Variants in ADGRG1 observed in about 807,000 individuals in gnomAD.
The protein encoded by ADGRG1 is adhesion G protein-coupled receptor G1.
A neutral mutation model predicts 73.5 loss-of-function variants in ADGRG1; 53 were observed. The ratio of observed to expected loss-of-function variants is 0.72; its 90% CI spans 0.58 to 0.91. The LOEUF (loss-of-function observed/expected upper bound fraction) is 0.91. ADGRG1 is among the 40% of genes least tolerant of loss of function. The pLI is 0.00. For synonymous variants in ADGRG1, 394 were observed against 374.4 expected (o/e 1.05, Z -0.60); for missense variants, 795 against 871.8 (o/e 0.91, Z 1.11).
intron 1 of ADGRG1, 87 bp from the exon 2 acceptor site, chr16:57,650,166 C>G: frequency 6.4e-7 from 1 of 1,567,056 alleles, no homozygotes; most frequent in Non-Finnish European, 8.7e-7. Context: ...CCTCCCACAT[C>G]CATGCCACAC....
intron 3 of ADGRG1, chr16:57,652,909 C>T: frequency 2.4e-6 from 3 of 1,271,978 alleles, no homozygotes; most frequent in Non-Finnish European, 3.0e-6. Context: ...TGGGCCCTCT[C>T]TGCTCCGTGT....
intron 1 of ADGRG1, among the ~76,000 whole-genome samples, chr16:57,649,074 C>T (rs1449172268): frequency 6.6e-6 from 1 of 152,176 alleles, no homozygotes; most frequent in African/African-American, 2.4e-5. Context: ...TAATAGAGAG[C>T]TTAGGGGGTC....
chr16:57,636,225 A>T, intron 1 of ADGRG1: 1 of 985,160 alleles, frequency 1.0e-6, no homozygotes, highest in Non-Finnish European at 1.2e-6. Flanking sequence ...TGGGGGTGGT[A>T]ATTTTGCTTT....
chr16:57,636,064 TCTC>T (rs2039287437), intron 1 of ADGRG1: 2 of 985,272 alleles, frequency 2.0e-6, no homozygotes, highest in African/African-American at 1.7e-5. Flanking sequence ...ACGTGCCCTT[TCTC>T]CTCCTTGCTT....
At position 57,651,194 on chromosome 16, in the gene ADGRG1, C is replaced by T; in HGVS notation, c.65-6C>T. On this transcript the variant is annotated splice_polypyrimidine_tract_variant and splice_region_variant and intron_variant, in intron 2 of 13. Transcript: ENST00000562631. ...GGGGTCCCATCTGCAGCCTCTGCCT[C>T]CTCAGGTGCCCACGGCAGGGGCCAC... The T allele has an allele frequency of 6.2e-7, 1 of 1,614,038 alleles. No homozygotes were observed. The highest frequency in any genetic ancestry group is 8.5e-7 in the Non-Finnish European group (1 of 1,180,006).
At chr16:57,661,587 G>A in intron 12 of ADGRG1, 110 bp from the exon 13 acceptor site, 1 of 1,523,052 alleles carries the variant, frequency 6.6e-7, no homozygotes, top group South Asian at 1.2e-5. Flanking sequence ...TAGAAAACAA[G>A]CGCACTTGCT....
chr16:57,657,907 A>C (rs544914934), intron 10 of ADGRG1, among the ~76,000 whole-genome samples: 6 of 151,634 alleles, frequency 4.0e-5, no homozygotes, highest in African/African-American at 1.5e-4. Context: ...ACACCTGGCT[A>C]ATCTGTATAT....
chr16:57,661,664 C>A (rs771005870), intron 12 of ADGRG1, 33 bp from the exon 13 acceptor site: 27 of 1,601,144 alleles, frequency 1.7e-5, no homozygotes, highest in Non-Finnish European at 2.2e-5. Flanking sequence ...CCCGTGCTGG[C>A]CACACGCTGA....
At chr16:57,637,950 A>T (rs2039786073) in intron 1 of ADGRG1, among the ~76,000 whole-genome samples, 1 of 151,908 alleles carries the variant, frequency 6.6e-6, no homozygotes, top group Admixed American at 6.6e-5. Flanking sequence ...CCCCTGAGCA[A>T]CCCCACCCTA....
intron 1 of ADGRG1, among the ~76,000 whole-genome samples, chr16:57,638,175 G>C (rs547993074): frequency 6.6e-6 from 1 of 152,334 alleles, no homozygotes; most frequent in East Asian, 1.9e-4. Flanking sequence ...TTGAACGTGG[G>C]GGAGAGTTAG....
intron 1 of ADGRG1, among the ~76,000 whole-genome samples, chr16:57,638,711 C>G (rs375559050): frequency 1.3e-5 from 2 of 152,172 alleles, no homozygotes; most frequent in African/African-American, 4.8e-5. Flanking sequence ...TGGCAGCTTC[C>G]AGAAGCAAAT....
chr16:57,628,784 A>G lies in ADGRG1; in HGVS notation c.-54A>G. 1 of 985,386 alleles carries G rather than the reference A, an allele frequency of 1.0e-6. No homozygotes were observed. The highest frequency in any genetic ancestry group is 1.2e-6 in the Non-Finnish European group (1 of 829,980). The allele number at this position is 985,386 out of a possible 1,614,324, so 61.0% of individuals were successfully genotyped here. A position where few individuals can be genotyped will look rare whatever the true frequency, so the allele number is the denominator to read the frequency against. ...GTCCAGCCGCCTGGCCCTGCGTGGG[A>G]CCCTCCACCTGGCAGCAGGTACCCA... On this transcript the variant is annotated 5_prime_UTR_variant, in exon 1 of 14. Coordinates refer to ENST00000562631, the MANE Select transcript of ADGRG1 (RefSeq NM_201525.4).
rs916955984 is a variant in ADGRG1 at position 57,665,025 on chromosome 16, C to G, written c.*1443C>G. 6.6e-6 allele frequency: 1 copy of G among 152,304 alleles called. No individual in the cohort carries two copies. Among genetic ancestry groups the G allele is most frequent in the African/African-American group, 2.4e-5 (1 of 41,418 alleles). 9.4% of individuals were successfully genotyped at this position (152,304 alleles called of 1,614,324 possible). A position where few individuals can be genotyped will look rare whatever the true frequency, so the allele number is the denominator to read the frequency against. ...AAAATCAGCTGTTGTAATCACCTAG[C>G]AAACTGGCGTAAGCATTTTGGGTCA... On this transcript the variant is annotated 3_prime_UTR_variant, in exon 14 of 14. Coordinates refer to ENST00000562631, the MANE Select transcript of ADGRG1 (RefSeq NM_201525.4).
chr16:57,634,782 T>C (rs1444913860), intron 1 of ADGRG1, among the ~76,000 whole-genome samples: 1 of 152,204 alleles, frequency 6.6e-6, no homozygotes, highest in Non-Finnish European at 1.5e-5. Flanking sequence ...TTTCCTAGCC[T>C]TGGGGGAGAT....
intron 1 of ADGRG1, chr16:57,635,507 C>A (rs914320851): frequency 4.1e-6 from 4 of 985,062 alleles, no homozygotes; most frequent in South Asian, 4.7e-5. Flanking sequence ...TGGTGGCATG[C>A]CCCAGGGTCC....
upstream of ADGRG1, chr16:57,626,711 G>GGT (rs201242161): frequency 3.1e-6 from 3 of 983,192 alleles, no homozygotes; most frequent in Non-Finnish European, 3.6e-6. Flanking sequence ...CGCTCTGTGG[G>GGT]GTGTGTGTGT....
In ADGRG1 at chr16:57,640,776, G is replaced by T. The variant is rs1374663097; in HGVS notation, c.-35-9477G>T. ...GCCAGTGATCCAGGACCTCGAGGAG[G>T]GGGAGGAAAAAAGAAAGGGAGGGTT... is the stretch of plus-strand genomic sequence containing the variant. On this transcript the variant is annotated intron_variant, in intron 1 of 13. Coordinates refer to ENST00000562631, the MANE Select transcript of ADGRG1 (RefSeq NM_201525.4). 1.6e-5 allele frequency: 8 copies of T among 494,234 alleles called. No individual in the cohort carries two copies. In the Admixed American group the frequency reaches 1.9e-4, roughly 12 times the overall value. 30.6% of individuals were successfully genotyped at this position (494,234 alleles called of 1,614,324 possible). A position where few individuals can be genotyped will look rare whatever the true frequency, so the allele number is the denominator to read the frequency against.
chr16:57,641,648 C>A, intron 1 of ADGRG1: 1 of 681,122 alleles, frequency 1.5e-6, no homozygotes, highest in Non-Finnish European at 1.8e-6. Flanking sequence ...TCATCGTAAC[C>A]TCCACCTCCC....
At chr16:57,657,300 C>T (rs1018123974) in intron 9 of ADGRG1, 73 bp from the exon 10 acceptor site, 1 of 1,608,190 alleles carries the variant, frequency 6.2e-7, no homozygotes, top group Non-Finnish European at 8.5e-7. Context: ...CCAGGTTAGC[C>T]CCTCACGCAG....
Sources: allele counts gnomAD v4.1 joint callset (sites outside exome capture counted in the v4.1 genomes callset), GRCh38; gene constraint gnomAD v4.1.1; transcripts MANE v1.5; gene names NCBI Gene and HGNC (gene_info 2026-07-23, HGNC 2026-07-21).